Variants in MRTFA observed in about 807,000 individuals in gnomAD.
MRTFA encodes myocardin related transcription factor A, also known as myocardin-related transcription factor A.
In MRTFA, 20 loss-of-function variants were observed where a neutral mutation model predicts 83.5. The observed-to-expected ratio is 0.24, with a 90% CI of 0.17 to 0.35. The LOEUF (loss-of-function observed/expected upper bound fraction) is 0.35. Among genes scored for constraint, MRTFA ranks in the 10% least tolerant of loss-of-function variants. The probability of loss-of-function intolerance (pLI) is 1.00; values close to 1 mark genes in which losing one functional copy is unlikely to be tolerated. For missense variants in MRTFA, 1,200 were observed against 1,224.7 expected (o/e 0.98, Z 0.30); for synonymous variants, 659 against 541.2 (o/e 1.22, Z -3.02).
intron 2 of MRTFA, among the ~76,000 whole-genome samples, chr22:40,582,325 G>A (rs1250093393): frequency 1.3e-5 from 2 of 152,202 alleles, no homozygotes; most frequent in African/African-American, 2.4e-5. Flanking sequence ...TCAGCTGATG[G>A]GCATTTGGAC....
At chr22:40,576,969 C>A (rs1005690637) in intron 2 of MRTFA, among the ~76,000 whole-genome samples, 1 of 151,922 alleles carries the variant, frequency 6.6e-6, no homozygotes, top group African/African-American at 2.4e-5. Flanking sequence ...TAATCCCAGC[C>A]CTTTGCACTT....
At chr22:40,432,605 C>G (rs931193821) in intron 5 of MRTFA, among the ~76,000 whole-genome samples, 1 of 147,896 alleles carries the variant, frequency 6.8e-6, no homozygotes, top group Non-Finnish European at 1.5e-5. Context: ...TAGGATAAGA[C>G]AAGCCAAAGG....
rs1203214799 is a variant in MRTFA at position 40,410,521 on chromosome 22, G to C, written c.*869C>G. ...CAGTGAGGCGGCGGGGACGGAATGT[G>C]AGTGGGTGGAGAGCTCCTGGCAGGA... On this transcript the variant is annotated 3_prime_UTR_variant, in exon 15 of 15. Coordinates refer to ENST00000355630, the MANE Select transcript of MRTFA (RefSeq NM_020831.6). 4.3e-6 allele frequency: 1 copy of C among 233,278 alleles called. No homozygotes were observed. The allele number at this position is 233,278 out of a possible 1,614,324, so 14.5% of individuals were successfully genotyped here.
intron 2 of MRTFA, chr22:40,587,110 G>A: frequency 2.2e-6 from 1 of 454,136 alleles, no homozygotes; most frequent in South Asian, 1.6e-5. Context: ...CAACGTGCTT[G>A]AAGGGCTTTG....
At chr22:40,469,183 G>A (rs559135334) in intron 3 of MRTFA, among the ~76,000 whole-genome samples, 1 of 152,328 alleles carries the variant, frequency 6.6e-6, no homozygotes, top group African/African-American at 2.4e-5. Context: ...TATTGAAACA[G>A]TTCAAATGTG....
Position 40,418,900 on chromosome 22 carries a change from C to G in MRTFA, c.1838G>C (p.Gly613Ala), listed in dbSNP as rs2052757002. The G allele has an allele frequency of 6.2e-7, 1 of 1,612,758 alleles. No individual in the cohort carries two copies. The change falls in exon 12 of 15, where the codon GGG (glycine) becomes GCG (alanine). Residue 613 changes from glycine (G) to alanine (A), a missense_variant. By Grantham distance (60) the Gly-to-Ala change is moderately conservative (BLOSUM62 0). Coordinates refer to ENST00000355630, the MANE Select transcript of MRTFA (RefSeq NM_020831.6). ...GCGCCCCTCTAGCTCCGCCCGCCCCCCAGGGCTCAGGCAACAGGACCCGGC... is the reference window on the plus strand; with the variant it reads ...GCGCCCCTCTAGCTCCGCCCGCCCCGCAGGGCTCAGGCAACAGGACCCGGC...
Position 40,420,564 on chromosome 22 carries a change from C to T in MRTFA, c.1194G>A (p.Glu398=). 6.2e-7 allele frequency: 1 copy of T among 1,613,346 alleles called. No individual in the cohort carries two copies. The highest frequency in any genetic ancestry group is 8.5e-7 in the Non-Finnish European group (1 of 1,179,950). Residue 398 remains glutamate, a synonymous_variant, in exon 11 of 15, where the codon GAG becomes GAA. Transcript: ENST00000355630. Reference sequence around the variant, plus strand: ...GGGGGGTCCCGCTGCTTCCCAGGGCCTCGCCTGCTGACCTGGGAAGAAAAG... The same window carrying T: ...GGGGGGTCCCGCTGCTTCCCAGGGCTTCGCCTGCTGACCTGGGAAGAAAAG...
At chr22:40,443,755 A>T (rs572555814) in intron 4 of MRTFA, among the ~76,000 whole-genome samples, 13 of 152,236 alleles carry the variant, frequency 8.5e-5, no homozygotes, top group African/African-American at 2.9e-4. Flanking sequence ...ATGCCCCAAT[A>T]CCCTTGGCTG....
intron 1 of MRTFA, among the ~76,000 whole-genome samples, chr22:40,609,480 A>AC (rs1259776188): frequency 7.0e-5 from 9 of 127,966 alleles, no homozygotes; most frequent in Non-Finnish European, 5.3e-5. Context: ...CTGTCTCTTT[A>AC]ACAAAAAAAA....
intron 1 of MRTFA, among the ~76,000 whole-genome samples, chr22:40,620,026 T>C (rs564306548): frequency 1.7e-3 from 252 of 151,866 alleles, no homozygotes; most frequent in African/African-American, 5.8e-3. Context: ...GGCGTGATCT[T>C]GGCTCAATGC....
rs2052736329 is a variant in MRTFA, at chr22:40,418,436, C to T, written c.2302G>A (p.Val768Ile). Residue 768 changes from valine to isoleucine, a missense_variant, in exon 12 of 15, where the codon GTC becomes ATC. Val to Ile is a conservative substitution (Grantham distance 29). Transcript: ENST00000355630. The stretch of plus-strand genomic sequence containing the variant: ...GCATTCTTATTGGTCACGGTGAGGA[C>T]AAGGTGGGTCCCTGTGGAGTCGGTG... 2 of 1,613,932 alleles carry T rather than the reference C, an allele frequency of 1.2e-6. No individual in the cohort carries two copies. The highest frequency in any genetic ancestry group is 1.1e-5 in the South Asian group (1 of 91,086).
chr22:40,435,567 G>C lies in MRTFA; in HGVS notation c.308-13C>G. On this transcript the variant is annotated splice_polypyrimidine_tract_variant and intron_variant, in intron 4 of 14. Coordinates refer to ENST00000355630, the MANE Select transcript of MRTFA (RefSeq NM_020831.6). The stretch of plus-strand genomic sequence containing the variant: ...GGACTTTTCAAAGCTGTTGAGAGAA[G>C]AACCGTAAAGATTACCTTCAAGCGA... 1 of 1,613,952 alleles carries C rather than the reference G, an allele frequency of 6.2e-7. No homozygotes were observed. The highest frequency in any genetic ancestry group is 8.5e-7 in the Non-Finnish European group (1 of 1,179,840).
chr22:40,427,271 C>G lies in MRTFA; in HGVS notation c.601+2335G>C, dbSNP rs539996375. On this transcript the variant is annotated intron_variant, in intron 7 of 14. Coordinates refer to ENST00000355630, the MANE Select transcript of MRTFA (RefSeq NM_020831.6). ...AGGCAGGATGAACGCCAGGGAAAAT[C>G]TGTGAATTATAAGAGCTACTGTATC... Among the ~76,000 whole-genome samples the G allele has an allele frequency of 4.6e-5, 7 of 152,262 alleles. No homozygotes were observed. The South Asian group carries it at 1.5e-3, about 32-fold the overall frequency.
intron 2 of MRTFA, among the ~76,000 whole-genome samples, chr22:40,555,365 G>T (rs958157693): frequency 6.6e-6 from 1 of 152,114 alleles, no homozygotes; most frequent in African/African-American, 2.4e-5. Flanking sequence ...ATCCCTCATG[G>T]ATTGGTGCTG....
At chr22:40,525,450 G>A (rs529379233) in intron 3 of MRTFA, among the ~76,000 whole-genome samples, 73 of 151,830 alleles carry the variant, frequency 4.8e-4, no homozygotes, top group Non-Finnish European at 6.6e-4. Flanking sequence ...ACAGTGAGCC[G>A]AGATCCCACC....
chr22:40,411,470 T>C lies in MRTFA; in HGVS notation c.3016A>G (p.Ser1006Gly), dbSNP rs1303269533. ...GAGAAGAGGCTGGGGGCTGTGGTGC[T>C]GAGGGGGGCTAGGCTCAGCACGGGA... The change falls in exon 15 of 15, where the codon AGC (serine) becomes GGC (glycine). Residue 1006 changes from serine (S) to glycine (G), a missense_variant. Around this residue, in one of 2 missense-constraint regions of MRTFA, gnomAD observed 1,107 missense variants for 1,041.8 expected, o/e 1.06. Coordinates refer to ENST00000355630, the MANE Select transcript of MRTFA (RefSeq NM_020831.6). 1 of 1,604,866 alleles carries C rather than the reference T, an allele frequency of 6.2e-7. No homozygotes were observed. The highest frequency in any genetic ancestry group is 8.5e-7 in the Non-Finnish European group (1 of 1,172,826).
intron 3 of MRTFA, among the ~76,000 whole-genome samples, chr22:40,472,605 C>T (rs1011519375): frequency 2.0e-5 from 3 of 152,022 alleles, no homozygotes; most frequent in South Asian, 4.1e-4. Flanking sequence ...TTTTAACAAA[C>T]GAATAATTTA....
chr22:40,463,130 T>C (rs2053744459), intron 4 of MRTFA, 91 bp downstream of exon 4: 1 of 1,136,288 alleles, frequency 8.8e-7, no homozygotes, highest in Non-Finnish European at 1.3e-6. Flanking sequence ...ATCATCCTTG[T>C]TTTATGTTAG....
At chr22:40,536,037 A>C (rs55722862) in intron 3 of MRTFA, among the ~76,000 whole-genome samples, 12,281 of 152,072 alleles carry the variant, frequency 0.081, 728 homozygotes, top group East Asian at 0.25. Flanking sequence ...ATTAAACAAG[A>C]AGCACTTACT....
Sources: allele counts gnomAD v4.1 joint callset (sites outside exome capture counted in the v4.1 genomes callset), GRCh38; gene constraint gnomAD v4.1.1; regional missense constraint gnomAD v4.1.1; transcripts MANE v1.5; gene names NCBI Gene and HGNC (gene_info 2026-07-23, HGNC 2026-07-21).